EXOC2: variants seen among roughly 807,000 people sequenced by gnomAD.
EXOC2 encodes exocyst complex component 2.
Under a neutral mutation model 131.8 loss-of-function variants are expected in EXOC2, and 70 were observed. That is an observed-to-expected ratio of 0.53 (90% CI 0.44 to 0.65). EXOC2 has a LOEUF of 0.65. Among genes scored for constraint, EXOC2 ranks in the 30% least tolerant of loss-of-function variants. The pLI is 0.00. For synonymous variants in EXOC2, 411 were observed against 398.4 expected, an observed-to-expected ratio of 1.03 and a Z score of -0.38; for missense variants, 923 against 1,108.6, an observed-to-expected ratio of 0.83 and a Z score of 2.38.
At chr6:679,131 A>G (rs1437009214) in intron 1 of EXOC2, 1 of 152,188 alleles carries the variant, frequency 6.6e-6, no homozygotes, top group East Asian at 1.9e-4. Flanking sequence ...CTAGCCATAA[A>G]GAAATATACA....
chr6:556,091 G>T, intron 18 of EXOC2, 78 bp from the exon 19 acceptor site: 1 of 1,332,808 alleles, frequency 7.5e-7, no homozygotes, highest in Non-Finnish European at 1.1e-6. Flanking sequence ...GATATGAACA[G>T]TTAAAACGTG....
At chr6:691,486 C>T (rs978181264) in intron 1 of EXOC2, among the ~76,000 whole-genome samples, 2 of 152,212 alleles carry the variant, frequency 1.3e-5, no homozygotes, top group African/African-American at 4.8e-5. Context: ...TGATTCTCCA[C>T]TTTCATTTAA....
chr6:502,495 G>C (rs1429343805), intron 23 of EXOC2, among the ~76,000 whole-genome samples: 1 of 152,046 alleles, frequency 6.6e-6, no homozygotes, highest in Non-Finnish European at 1.5e-5. Flanking sequence ...CTCGGACCCC[G>C]ACATCATAAA....
chr6:605,442 T>C (rs943540949), intron 7 of EXOC2, among the ~76,000 whole-genome samples: 8 of 152,230 alleles, frequency 5.3e-5, no homozygotes, highest in Non-Finnish European at 1.0e-4. Flanking sequence ...AGGGTGTATG[T>C]GTCCAGGAAT....
At chr6:657,892 T>G (rs1308758504) in intron 1 of EXOC2, among the ~76,000 whole-genome samples, 1 of 152,242 alleles carries the variant, frequency 6.6e-6, no homozygotes, top group African/African-American at 2.4e-5. Flanking sequence ...CTCTGTCCAT[T>G]ACATGTACTG....
intron 20 of EXOC2, among the ~76,000 whole-genome samples, chr6:554,896 C>T (rs1757338482): frequency 1.3e-5 from 2 of 152,110 alleles, no homozygotes; most frequent in African/African-American, 4.8e-5. Flanking sequence ...GCAATGGTGC[C>T]TCCCCCTAAC....
At chr6:665,992 A>C (rs1763629446) in intron 1 of EXOC2, among the ~76,000 whole-genome samples, 1 of 152,218 alleles carries the variant, frequency 6.6e-6, no homozygotes, top group African/African-American at 2.4e-5. Context: ...TCTGCTACCT[A>C]TTCTTGTGAA....
chr6:616,916 T>G (rs1203162668), intron 6 of EXOC2, among the ~76,000 whole-genome samples: 1 of 151,776 alleles, frequency 6.6e-6, no homozygotes, highest in African/African-American at 2.4e-5. Flanking sequence ...ATTTTTTGTA[T>G]TTTTAGTAGA....
At chr6:513,391 C>T (rs1267942545) in intron 23 of EXOC2, among the ~76,000 whole-genome samples, 1 of 152,204 alleles carries the variant, frequency 6.6e-6, no homozygotes, top group African/African-American at 2.4e-5. Flanking sequence ...CAGCACAAAC[C>T]AAGGAGGAAA....
At chr6:522,590 A>C (rs1765530787) in intron 23 of EXOC2, among the ~76,000 whole-genome samples, 1 of 141,500 alleles carries the variant, frequency 7.1e-6, no homozygotes, top group African/African-American at 2.7e-5. Context: ...GTGTGTGGGA[A>C]GCATTGAACT....
At chr6:640,390 G>C (rs542197850) in intron 1 of EXOC2, among the ~76,000 whole-genome samples, 1 of 152,282 alleles carries the variant, frequency 6.6e-6, no homozygotes, top group East Asian at 1.9e-4. Flanking sequence ...GGAAAGATAT[G>C]TAAGACAGAG....
intron 17 of EXOC2, among the ~76,000 whole-genome samples, chr6:557,246 T>C (rs1316521669): frequency 6.6e-6 from 1 of 152,160 alleles, no homozygotes; most frequent in African/African-American, 2.4e-5. Flanking sequence ...GAAGACACGA[T>C]CATGAAAGTC....
In EXOC2 at chr6:557,595, G is replaced by GTGACA. The variant is rs1447410097; in HGVS notation, c.1852-1036_1852-1032dup. On this transcript the variant is annotated intron_variant, in intron 17 of 27. Transcript: ENST00000230449. Reference sequence around the variant, plus strand: ...ATTGCGCCACTGCACTCCAGCCTGGGTGACAGAGAGAGACTTCATCTCAAA... The same window carrying GTGACA: ...ATTGCGCCACTGCACTCCAGCCTGGGTGACATGACAGAGAGAGACTTCATCTCAAA... Among the ~76,000 whole-genome samples, 89 of 135,082 alleles carry GTGACA rather than the reference G, an allele frequency of 6.6e-4. 1 individual carries two copies. The highest frequency in any genetic ancestry group is 2.3e-3 in the African/African-American group (82 of 36,250). 88.6% of individuals were successfully genotyped at this position (135,082 alleles called of 152,430 possible). A position where few individuals can be genotyped will look rare whatever the true frequency, so the allele number is the denominator to read the frequency against.
chr6:545,153 C>CAA (rs36051866), intron 22 of EXOC2, among the ~76,000 whole-genome samples: 116 of 85,426 alleles, frequency 1.4e-3, no homozygotes, highest in East Asian at 2.9e-3. Flanking sequence ...GACTCCGTCT[C>CAA]AAAAAAAAAA....
chr6:641,816 C>T (rs192202665), intron 1 of EXOC2, among the ~76,000 whole-genome samples: 44 of 152,308 alleles, frequency 2.9e-4, no homozygotes, highest in African/African-American at 9.6e-4. Flanking sequence ...AATGCTGCAA[C>T]AGACGTATAA....
chr6:560,162 T>C (rs1757626127), intron 17 of EXOC2, among the ~76,000 whole-genome samples: 1 of 152,254 alleles, frequency 6.6e-6, no homozygotes, highest in Non-Finnish European at 1.5e-5. Flanking sequence ...AAATCCTTTA[T>C]GTTTGTCCAG....
At chr6:487,373 ATC>A (rs764245444) in intron 27 of EXOC2, among the ~76,000 whole-genome samples, 9 of 152,132 alleles carry the variant, frequency 5.9e-5, no homozygotes, top group Non-Finnish European at 8.8e-5. Flanking sequence ...TGATATCGCA[ATC>A]TGTTTCCCCA....
intron 23 of EXOC2, among the ~76,000 whole-genome samples, chr6:505,488 A>C (rs1764491688): frequency 6.6e-6 from 1 of 152,162 alleles, no homozygotes; most frequent in Admixed American, 6.5e-5. Flanking sequence ...TCTCCTTTGT[A>C]AAACAGAGAC....
intron 23 of EXOC2, among the ~76,000 whole-genome samples, chr6:501,640 GAT>G (rs1430246006): frequency 1.2e-5 from 1 of 86,442 alleles, no homozygotes; most frequent in Non-Finnish European, 2.1e-5. Context: ...TATATATATC[GAT>G]ATATATAGAT....
Sources: allele counts gnomAD v4.1 joint callset (sites outside exome capture counted in the v4.1 genomes callset), GRCh38; gene constraint gnomAD v4.1.1; transcripts MANE v1.5; gene names NCBI Gene and HGNC (gene_info 2026-07-23, HGNC 2026-07-21).